The following MAX variants were observed in gnomAD, a reference collection of about 807,000 sequenced individuals.
MAX encodes the protein MYC associated transcriptional regulator X.
In MAX, 3 loss-of-function variants were observed where a neutral mutation model predicts 22.3. That is an observed-to-expected ratio of 0.13 (90% CI 0.06 to 0.35). The LOEUF is 0.35. Ranked by LOEUF, MAX falls within the 10% of genes least tolerant of loss-of-function variation. The pLI is 1.00. For synonymous variants in MAX, 72 were observed against 77.7 expected (o/e 0.93, Z 0.39); for missense variants, 119 against 209.4 (o/e 0.57, Z 2.66).
intron 3 of MAX, among the ~76,000 whole-genome samples, chr14:65,019,375 T>C (rs1048429093): frequency 6.6e-6 from 1 of 151,526 alleles, no homozygotes. Context: ...TAATCCCAGC[T>C]ACTCGGGAGA....
chr14:65,061,537 G>A, intron 3 of MAX: 1 of 629,718 alleles, frequency 1.6e-6, no homozygotes, highest in Admixed American at 3.2e-5. Flanking sequence ...AAATCTATCA[G>A]CCCACGTGGT....
intron 3 of MAX, among the ~76,000 whole-genome samples, chr14:65,053,883 C>A (rs1595098198): frequency 1.3e-5 from 2 of 152,152 alleles, no homozygotes; most frequent in African/African-American, 4.8e-5. Context: ...CCTGGTCCCA[C>A]AATGTATCAG....
chr14:65,063,700 G>A (rs2062901507), intron 3 of MAX, among the ~76,000 whole-genome samples: 1 of 152,156 alleles, frequency 6.6e-6, no homozygotes. Flanking sequence ...AAGTAGCTAG[G>A]ACCACAGGTG....
rs77865059 is a variant in MAX, at chr14:65,012,950, G to A, written c.172-6666C>T. Among the ~76,000 whole-genome samples the A allele has an allele frequency of 9.2e-3, 1,399 of 152,268 alleles. 21 individuals carry two copies. The highest frequency in any genetic ancestry group is 0.031 in the African/African-American group (1,297 of 41,554). On this transcript the variant is annotated intron_variant, in intron 3 of 3. Coordinates refer to the MAX transcript ENST00000341653. This position sits in a 1 kb window ranked among gnomAD's most constrained non-coding sequence, Gnocchi z 5.0. The stretch of plus-strand genomic sequence containing the variant: ...GTGGTCCTTGCAATTTAACATTACT[G>A]TTTAAGAGTAGATCTTTAATATTTC...
rs1025477066 is a variant in MAX at position 65,029,705 on chromosome 14, T to C, written c.172-23421A>G. On this transcript the variant is annotated intron_variant, in intron 3 of 3. Coordinates refer to the MAX transcript ENST00000341653. This position sits in a 1 kb window ranked among gnomAD's most constrained non-coding sequence, Gnocchi z 4.7. ...AAAGGACAAGTTCAGTGTTGAAGTG[T>C]AGATGGCCTGGTGGGCAGGGGAGCA... is the stretch of plus-strand genomic sequence containing the variant. Among the ~76,000 whole-genome samples, 8 of 152,098 alleles carry C rather than the reference T, an allele frequency of 5.3e-5. No homozygotes were observed. The highest frequency in any genetic ancestry group is 1.2e-4 in the Non-Finnish European group (8 of 68,016).
In MAX at chr14:65,014,720, G is replaced by A. The variant is rs1440711633; in HGVS notation, c.172-8436C>T. On this transcript the variant is annotated intron_variant, in intron 3 of 3. Transcript: ENST00000341653. The surrounding 1 kb of genome is among the most constrained non-coding windows in gnomAD (Gnocchi z 5.1). ...TCCCAGCTACTTAGGAGGCTGAGGT[G>A]GGAGGATTGCTTGAGCCCGGGAGGT... Among the ~76,000 whole-genome samples, 2 of 152,086 alleles carry A rather than the reference G, an allele frequency of 1.3e-5. No individual in the cohort carries two copies. Among genetic ancestry groups the A allele is most frequent in the Non-Finnish European group, 2.9e-5 (2 of 68,002 alleles).
intron 3 of MAX, among the ~76,000 whole-genome samples, chr14:65,020,641 C>T (rs529286308): frequency 2.7e-4 from 41 of 152,154 alleles, no homozygotes; most frequent in Non-Finnish European, 4.7e-4. Context: ...ACCATGTTGG[C>T]CAAGTTGGTC....
intron 3 of MAX, among the ~76,000 whole-genome samples, chr14:65,085,767 T>C (rs926165614): frequency 8.5e-5 from 13 of 152,128 alleles, no homozygotes; most frequent in African/African-American, 2.9e-4. Context: ...AGGTAGGCCT[T>C]GTGAGCAGGG....
chr14:65,061,327 G>A (rs746747250), intron 3 of MAX: 25 of 1,612,984 alleles, frequency 1.5e-5, no homozygotes, highest in Middle Eastern at 1.8e-4. Context: ...CCTGGGTCCC[G>A]GCAGCTCTTT....
At chr14:65,081,632 G>C (rs1566605272) in intron 3 of MAX, among the ~76,000 whole-genome samples, 1 of 152,222 alleles carries the variant, frequency 6.6e-6, no homozygotes, top group Non-Finnish European at 1.5e-5. Context: ...GAGTGTGACT[G>C]ATCAGATAGA....
intron 3 of MAX, among the ~76,000 whole-genome samples, chr14:65,026,437 C>T (rs2061982220): frequency 6.6e-6 from 1 of 152,196 alleles, no homozygotes; most frequent in Admixed American, 6.5e-5. Context: ...TCTCCAAGAA[C>T]CCGCAGACTG....
chr14:65,075,961 G>GA lies in MAX; in HGVS notation c.*514dup, dbSNP rs75125987. ...GCGATACATAGCTTTTTAGAAAAAG[G>GA]AAAAAAAAAAAACCCTTAAAAAGGA... On this transcript the variant is annotated 3_prime_UTR_variant, in exon 5 of 5. Coordinates refer to ENST00000358664, the MANE Select transcript of MAX (RefSeq NM_002382.5). This position sits in a 1 kb window ranked among gnomAD's most constrained non-coding sequence, Gnocchi z 4.1. 42,587 of 579,428 alleles carry GA rather than the reference G, an allele frequency of 0.073. 3 individuals are homozygous for GA. Among genetic ancestry groups the GA allele is most frequent in the Middle Eastern group, 0.083 (100 of 1,198 alleles). The allele number at this position is 579,428 out of a possible 1,614,324, so 35.9% of individuals were successfully genotyped here. A position where few individuals can be genotyped will look rare whatever the true frequency, so the allele number is the denominator to read the frequency against.
downstream of MAX, chr14:65,006,110 A>G (rs2139485587): frequency 6.3e-7 from 1 of 1,588,176 alleles, no homozygotes. Flanking sequence ...ACTTCTGCTT[A>G]CTGGAACATT....
chr14:65,049,125 T>TAA (rs59771962), intron 3 of MAX, among the ~76,000 whole-genome samples: 2 of 139,752 alleles, frequency 1.4e-5, no homozygotes, highest in South Asian at 2.3e-4. Flanking sequence ...GGACTCCGTC[T>TAA]AAAAAAAAAA....
chr14:65,065,331 A>G (rs977016125), intron 3 of MAX, among the ~76,000 whole-genome samples: 1 of 152,196 alleles, frequency 6.6e-6, no homozygotes, highest in African/African-American at 2.4e-5. Context: ...ATATGAGACA[A>G]TGTGAGTTGG....
chr14:65,013,246 C>A (rs144556776), intron 3 of MAX, among the ~76,000 whole-genome samples: 1 of 152,094 alleles, frequency 6.6e-6, no homozygotes, highest in Non-Finnish European at 1.5e-5. Context: ...AACTGGAGAC[C>A]CTGTGCCCTT....
rs1280788920 is a variant in MAX, at chr14:65,012,949, T to C, written c.172-6665A>G. On this transcript the variant is annotated intron_variant, in intron 3 of 3. Coordinates refer to the MAX transcript ENST00000341653. This position sits in a 1 kb window ranked among gnomAD's most constrained non-coding sequence, Gnocchi z 5.0. ...AGTGGTCCTTGCAATTTAACATTACTGTTTAAGAGTAGATCTTTAATATTT... is the reference window on the plus strand; with the variant it reads ...AGTGGTCCTTGCAATTTAACATTACCGTTTAAGAGTAGATCTTTAATATTT... Among the ~76,000 whole-genome samples the C allele has an allele frequency of 6.6e-6, 1 of 152,230 alleles. No homozygotes were observed. The highest frequency in any genetic ancestry group is 1.5e-5 in the Non-Finnish European group (1 of 68,038).
intron 3 of MAX, among the ~76,000 whole-genome samples, chr14:65,053,800 C>G (rs888837231): frequency 2.6e-4 from 39 of 152,280 alleles, no homozygotes; most frequent in Middle Eastern, 3.4e-3. Context: ...TAAGTCCTCT[C>G]ACCTTTGTTA....
At position 65,011,457 on chromosome 14, in the gene MAX, G is replaced by A. The variant is rs146604104; in HGVS notation, c.172-5173C>T. ...AAAAAAAAAAAAAAAAAAAAAGACTGCATGAAGGCTCTTACTCTGAGCCAA... is the reference window on the plus strand; with the variant it reads ...AAAAAAAAAAAAAAAAAAAAAGACTACATGAAGGCTCTTACTCTGAGCCAA... On this transcript the variant is annotated intron_variant, in intron 3 of 3. Transcript: ENST00000341653. The surrounding 1 kb of genome is among the most constrained non-coding windows in gnomAD (Gnocchi z 4.0). Among the ~76,000 whole-genome samples, 1,337 of 148,070 alleles carry A rather than the reference G, an allele frequency of 9.0e-3. 21 individuals carry two copies. Among genetic ancestry groups the A allele is most frequent in the African/African-American group, 0.031 (1,237 of 39,540 alleles).
Sources: allele counts gnomAD v4.1 joint callset (sites outside exome capture counted in the v4.1 genomes callset), GRCh38; gene constraint gnomAD v4.1.1; non-coding constraint Gnocchi (gnomAD v3.1); transcripts MANE v1.5; gene names NCBI Gene and HGNC (gene_info 2026-07-23, HGNC 2026-07-21).